GNAQ: variants seen among roughly 807,000 people sequenced by gnomAD.
GNAQ encodes the protein guanine nucleotide-binding protein G(q) subunit alpha.
GNAQ carries 8 observed loss-of-function variants against 43.9 expected under a neutral mutation model. That is an observed-to-expected ratio of 0.18 (90% CI 0.11 to 0.33). The LOEUF is 0.33. GNAQ is among the 10% of genes least tolerant of loss of function. The probability of loss-of-function intolerance (pLI) is 1.00; values close to 1 mark genes in which losing one functional copy is unlikely to be tolerated. For synonymous variants in GNAQ, 155 were observed against 170.7 expected (o/e 0.91, Z 0.71); for missense variants, 158 against 450.8 (o/e 0.35, Z 5.88).
At chr9:77,918,197 GTTT>G (rs1828942828) in intron 2 of GNAQ, among the ~76,000 whole-genome samples, 1 of 152,138 alleles carries the variant, frequency 6.6e-6, no homozygotes, top group Non-Finnish European at 1.5e-5. Context: ...TACAGGCCAT[GTTT>G]TGCTTTATAA....
At chr9:77,965,644 T>C (rs1048682582) in intron 1 of GNAQ, among the ~76,000 whole-genome samples, 1 of 152,140 alleles carries the variant, frequency 6.6e-6, no homozygotes, top group Non-Finnish European at 1.5e-5. Flanking sequence ...CACAATTAGA[T>C]ACTTCACACC....
At chr9:77,731,835 G>A (rs1825494702) in intron 5 of GNAQ, among the ~76,000 whole-genome samples, 1 of 152,218 alleles carries the variant, frequency 6.6e-6, no homozygotes, top group Non-Finnish European at 1.5e-5. Context: ...TTCATGATAA[G>A]AAGTGCAAGT....
intron 1 of GNAQ, among the ~76,000 whole-genome samples, chr9:78,017,619 T>C (rs1823855321): frequency 6.6e-6 from 1 of 152,208 alleles, no homozygotes; most frequent in Admixed American, 6.5e-5. Flanking sequence ...TCATGGAATA[T>C]CTAAAGCAGA....
chr9:77,764,459 C>CT (rs1033785301), intron 5 of GNAQ, among the ~76,000 whole-genome samples: 2,297 of 144,366 alleles, frequency 0.016, 66 homozygotes, highest in African/African-American at 0.053. Flanking sequence ...TCTGAAAATA[C>CT]TTTTTTTTTT....
At position 77,956,060 on chromosome 9, in the gene GNAQ, ATT is replaced by A. The variant is rs1487269687; in HGVS notation, c.137-33717_137-33716del. Among the ~76,000 whole-genome samples, 39 of 152,324 alleles carry A rather than the reference ATT, an allele frequency of 2.6e-4. 1 individual carries two copies. Among genetic ancestry groups the A allele is most frequent in the Admixed American group, 7.8e-4 (12 of 15,300 alleles). On this transcript the variant is annotated intron_variant, in intron 1 of 6. Coordinates refer to ENST00000286548, the MANE Select transcript of GNAQ (RefSeq NM_002072.5). ...ATTTATTAAGTTTTTTAAAAGAAAT[ATT>A]GTCTTTTTTGTTATGAAATAGTAAT...
At chr9:77,881,723 A>G (rs1471860000) in intron 2 of GNAQ, among the ~76,000 whole-genome samples, 4 of 152,156 alleles carry the variant, frequency 2.6e-5, no homozygotes, top group African/African-American at 9.7e-5. Flanking sequence ...GTTTTCAGTC[A>G]ATCTGTGTTC....
At chr9:77,856,022 T>C (rs1156650074) in intron 2 of GNAQ, among the ~76,000 whole-genome samples, 2 of 152,230 alleles carry the variant, frequency 1.3e-5, no homozygotes, top group African/African-American at 2.4e-5. Context: ...GCTCAGCTCA[T>C]AGATCTTGCT....
At chr9:77,897,976 C>T (rs1828530855) in intron 2 of GNAQ, among the ~76,000 whole-genome samples, 1 of 148,402 alleles carries the variant, frequency 6.7e-6, no homozygotes, top group Admixed American at 6.7e-5. Flanking sequence ...GCAAGAAATC[C>T]TTCATTTAAG....
chr9:77,942,654 C>T (rs1398463877), intron 1 of GNAQ, among the ~76,000 whole-genome samples: 3 of 152,194 alleles, frequency 2.0e-5, no homozygotes, highest in Non-Finnish European at 4.4e-5. Flanking sequence ...ATATATTCCT[C>T]ATAGTCCTTG....
chr9:77,900,497 T>C (rs1828585309), intron 2 of GNAQ, among the ~76,000 whole-genome samples: 2 of 152,306 alleles, frequency 1.3e-5, no homozygotes, highest in South Asian at 2.1e-4. Flanking sequence ...GGTTAGATAC[T>C]GGGTGCACAG....
chr9:77,938,788 G>A (rs1829271248), intron 1 of GNAQ, among the ~76,000 whole-genome samples: 1 of 152,194 alleles, frequency 6.6e-6, no homozygotes, highest in African/African-American at 2.4e-5. Context: ...CATTTTCAGG[G>A]CATACAGGCT....
chr9:77,873,266 T>C (rs1828072039), intron 2 of GNAQ, among the ~76,000 whole-genome samples: 1 of 152,210 alleles, frequency 6.6e-6, no homozygotes, highest in Admixed American at 6.5e-5. Flanking sequence ...ACTAGGTGGT[T>C]GGGCACAAAA....
intron 1 of GNAQ, among the ~76,000 whole-genome samples, chr9:77,968,592 T>G (rs1471460167): frequency 6.6e-6 from 1 of 152,226 alleles, no homozygotes; most frequent in Non-Finnish European, 1.5e-5. Context: ...ATGTATTGAA[T>G]GTATTTCCCA....
At chr9:77,800,929 T>A (rs527626059) in intron 3 of GNAQ, among the ~76,000 whole-genome samples, 1 of 152,328 alleles carries the variant, frequency 6.6e-6, no homozygotes, top group South Asian at 2.1e-4. Context: ...AAATTTCCAC[T>A]GGCAAGGCTG....
chr9:77,782,747 A>C (rs1826414215), intron 5 of GNAQ, among the ~76,000 whole-genome samples: 1 of 152,248 alleles, frequency 6.6e-6, no homozygotes, highest in Admixed American at 6.5e-5. Context: ...AGCAACCAAG[A>C]TGTCCTTCAG....
chr9:77,884,975 G>T (rs143577751), intron 2 of GNAQ, among the ~76,000 whole-genome samples: 1 of 152,266 alleles, frequency 6.6e-6, no homozygotes, highest in East Asian at 1.9e-4. Context: ...CTGTAAAATG[G>T]AGAAAATAAT....
chr9:77,724,591 A>C (rs1267535594), intron 6 of GNAQ, among the ~76,000 whole-genome samples: 1 of 152,184 alleles, frequency 6.6e-6, no homozygotes, highest in Non-Finnish European at 1.5e-5. Flanking sequence ...ATTTCTAACA[A>C]AATGCACCCT....
chr9:77,784,172 A>C (rs1826439905), intron 5 of GNAQ, among the ~76,000 whole-genome samples: 1 of 151,980 alleles, frequency 6.6e-6, no homozygotes, highest in South Asian at 2.1e-4. Context: ...CCAGAGATCC[A>C]TTTTGGTATA....
At chr9:78,015,622 A>G (rs921836327) in intron 1 of GNAQ, among the ~76,000 whole-genome samples, 4 of 152,216 alleles carry the variant, frequency 2.6e-5, no homozygotes, top group South Asian at 2.1e-4. Context: ...AAAATTGACT[A>G]TATATATTAG....
Sources: allele counts gnomAD v4.1 joint callset (sites outside exome capture counted in the v4.1 genomes callset), GRCh38; gene constraint gnomAD v4.1.1; transcripts MANE v1.5; gene names NCBI Gene and HGNC (gene_info 2026-07-23, HGNC 2026-07-21).